CDYL: variants seen among roughly 807,000 people sequenced by gnomAD.
The protein encoded by CDYL is chromodomain Y-like protein.
CDYL carries 8 observed loss-of-function variants against 47.3 expected under a neutral mutation model. The ratio of observed to expected loss-of-function variants is 0.17; its 90% CI spans 0.10 to 0.31. The LOEUF (loss-of-function observed/expected upper bound fraction) is 0.31. Among genes scored for constraint, CDYL ranks in the 10% least tolerant of loss-of-function variants. The pLI, the probability that CDYL is intolerant of heterozygous loss-of-function variation, is 1.00. For synonymous variants in CDYL, 266 were observed against 265.0 expected (o/e 1.00, Z -0.04); for missense variants, 471 against 701.4 (o/e 0.67, Z 3.71).
intron 3 of CDYL, among the ~76,000 whole-genome samples, chr6:4,745,566 A>AC (rs1484864043): frequency 4.2e-5 from 6 of 143,156 alleles, no homozygotes; most frequent in African/African-American, 1.6e-4. Context: ...ACATAGTGAA[A>AC]CCCCATCTCT....
chr6:4,903,762 A>G (rs551465489), intron 2 of CDYL, among the ~76,000 whole-genome samples: 16 of 152,308 alleles, frequency 1.1e-4, no homozygotes, highest in Non-Finnish European at 2.1e-4. Flanking sequence ...GCTCCTGAGT[A>G]TCTTCCGTGG....
intron 2 of CDYL, among the ~76,000 whole-genome samples, chr6:4,904,522 C>G (rs1757168594): frequency 6.6e-6 from 1 of 152,244 alleles, no homozygotes; most frequent in Admixed American, 6.5e-5. Context: ...CACTGCGCCC[C>G]TCCCTGCCCT....
chr6:4,815,560 A>G (rs1436991238), intron 1 of CDYL, among the ~76,000 whole-genome samples: 1 of 151,852 alleles, frequency 6.6e-6, no homozygotes, highest in African/African-American at 2.4e-5. Flanking sequence ...ATACTCACAG[A>G]TTGAGTGCCT....
intron 3 of CDYL, among the ~76,000 whole-genome samples, chr6:4,750,175 C>CA (rs967018653): frequency 6.7e-6 from 1 of 150,060 alleles, no homozygotes. Context: ...TCTGTCCTTG[C>CA]AAAAAAAAGT....
chr6:4,742,432 A>G (rs1757814022), intron 3 of CDYL, among the ~76,000 whole-genome samples: 1 of 151,904 alleles, frequency 6.6e-6, no homozygotes, highest in African/African-American at 2.4e-5. Flanking sequence ...CATAGCAATG[A>G]TCAAATCCTG....
chr6:4,798,076 G>A (rs957332045), intron 1 of CDYL, among the ~76,000 whole-genome samples: 7 of 151,938 alleles, frequency 4.6e-5, no homozygotes, highest in African/African-American at 1.7e-4. Flanking sequence ...GGACTCAGAT[G>A]ATCCTCTCAC....
intron 6 of CDYL, among the ~76,000 whole-genome samples, chr6:4,953,121 C>A (rs373339207): frequency 6.6e-6 from 1 of 151,394 alleles, no homozygotes; most frequent in Non-Finnish European, 1.5e-5. Flanking sequence ...CAGTGGCTCA[C>A]GCCTATAATC....
intron 1 of CDYL, among the ~76,000 whole-genome samples, chr6:4,862,308 C>T (rs780198030): frequency 3.3e-5 from 5 of 152,094 alleles, no homozygotes; most frequent in African/African-American, 1.2e-4. Flanking sequence ...GAGATATTTT[C>T]GTTCTTTTTT....
chr6:4,935,862 T>C (rs1458106111), intron 3 of CDYL, 91 bp downstream of exon 3: 2 of 1,554,950 alleles, frequency 1.3e-6, no homozygotes, highest in East Asian at 2.2e-5. Flanking sequence ...TCCTGTGCTC[T>C]TTCTAAACCT....
intron 3 of CDYL, among the ~76,000 whole-genome samples, chr6:4,771,152 C>T (rs1448076776): frequency 6.6e-6 from 1 of 151,872 alleles, no homozygotes; most frequent in Non-Finnish European, 1.5e-5. Context: ...CTTGCTCTGC[C>T]ATCCAGGCTG....
chr6:4,834,708 C>T (rs1477628175), intron 1 of CDYL, among the ~76,000 whole-genome samples: 3 of 152,192 alleles, frequency 2.0e-5, no homozygotes, highest in African/African-American at 7.2e-5. Context: ...CTTTCAGGTA[C>T]ACCAGTCAGA....
chr6:4,778,344 G>A (rs929383750), intron 1 of CDYL, among the ~76,000 whole-genome samples: 14 of 152,144 alleles, frequency 9.2e-5, no homozygotes, highest in African/African-American at 3.1e-4. Context: ...CACCTTATAC[G>A]TAAGTTGTAT....
At chr6:4,762,885 T>C (rs1427085497) in intron 3 of CDYL, among the ~76,000 whole-genome samples, 1 of 152,082 alleles carries the variant, frequency 6.6e-6, no homozygotes, top group Non-Finnish European at 1.5e-5. Context: ...TAAGAGATAA[T>C]GGCTGACAAA....
Position 4,784,993 on chromosome 6 carries a change from G to A in CDYL, c.24+8186G>A, listed in dbSNP as rs557145509. 1.5e-3 allele frequency among the ~76,000 whole-genome samples: 231 copies of A among 152,324 alleles called. 2 individuals are homozygous for A. The highest frequency in any genetic ancestry group is 5.1e-3 in the African/African-American group (214 of 41,558). On this transcript the variant is annotated intron_variant, in intron 1 of 6. Coordinates refer to ENST00000397588, the MANE Select transcript of CDYL (RefSeq NM_004824.4). The stretch of plus-strand genomic sequence containing the variant: ...ATGATTGTGAGGCCCCCCCAGCCAT[G>A]TGGAACTGAGTTAATTAAACTCGTT...
chr6:4,777,646 G>T (rs1758506731), intron 1 of CDYL, among the ~76,000 whole-genome samples: 1 of 152,170 alleles, frequency 6.6e-6, no homozygotes, highest in African/African-American at 2.4e-5. Flanking sequence ...GTTCCTAAGA[G>T]ACTTAAAACT....
At chr6:4,920,867 C>T (rs180715257) in intron 2 of CDYL, among the ~76,000 whole-genome samples, 5 of 152,304 alleles carry the variant, frequency 3.3e-5, no homozygotes, top group South Asian at 2.1e-4. Context: ...CCACCCATCT[C>T]GGCCTCCTAA....
chr6:4,888,400 A>AT (rs1761954869), intron 1 of CDYL, among the ~76,000 whole-genome samples: 4 of 151,772 alleles, frequency 2.6e-5, no homozygotes, highest in Admixed American at 2.0e-4. Flanking sequence ...GAATTTGTTT[A>AT]TTTCATCTGA....
At chr6:4,794,522 T>C (rs1759016815) in intron 1 of CDYL, among the ~76,000 whole-genome samples, 2 of 152,016 alleles carry the variant, frequency 1.3e-5, no homozygotes, top group African/African-American at 4.8e-5. Flanking sequence ...GCTCCGGGGT[T>C]TGTTTGCTTA....
intron 1 of CDYL, among the ~76,000 whole-genome samples, chr6:4,779,510 A>G (rs1758554388): frequency 6.6e-6 from 1 of 152,226 alleles, no homozygotes. Flanking sequence ...GTCTTTAGTA[A>G]ATGTTTAAAT....
Sources: gnomAD v4.1 joint callset for allele counts (sites outside exome capture counted in the v4.1 genomes callset) on GRCh38, gnomAD v4.1.1 for gene constraint, MANE v1.5 for transcripts, NCBI Gene and HGNC (gene_info 2026-07-23, HGNC 2026-07-21) for gene names.